DSCAM: variants seen among roughly 807,000 people sequenced by gnomAD.
The protein encoded by DSCAM is cell adhesion molecule DSCAM.
In DSCAM, 47 loss-of-function variants were observed where a neutral mutation model predicts 217.7. That is an observed-to-expected ratio of 0.22 (90% CI 0.17 to 0.28). The LOEUF (loss-of-function observed/expected upper bound fraction) is 0.28. Among genes scored for constraint, DSCAM ranks in the 10% least tolerant of loss-of-function variants. DSCAM has a pLI of 1.00. For synonymous variants in DSCAM, 1,056 were observed against 1,015.3 expected (o/e 1.04, Z -0.76); for missense variants, 2,080 against 2,618.3 (o/e 0.79, Z 4.49).
At chr21:40,035,212 A>C (rs2146456948) in intron 32 of DSCAM, among the ~76,000 whole-genome samples, 1 of 112,974 alleles carries the variant, frequency 8.9e-6, no homozygotes, top group East Asian at 2.2e-4. Context: ...TAAAAGACAC[A>C]GTCTGGCAAA....
intron 3 of DSCAM, among the ~76,000 whole-genome samples, chr21:40,471,051 G>T (rs2075884252): frequency 6.6e-6 from 1 of 151,986 alleles, no homozygotes; most frequent in Non-Finnish European, 1.5e-5. Context: ...TTCTTTACTG[G>T]TATTTTTCTC....
chr21:40,200,771 C>T (rs1453736733), intron 11 of DSCAM, among the ~76,000 whole-genome samples: 2 of 152,180 alleles, frequency 1.3e-5, no homozygotes, highest in African/African-American at 4.8e-5. Flanking sequence ...ACAATGAGAC[C>T]TGCCGCCTCC....
At chr21:40,436,640 G>C (rs1332028657) in intron 3 of DSCAM, among the ~76,000 whole-genome samples, 1 of 152,172 alleles carries the variant, frequency 6.6e-6, no homozygotes, top group African/African-American at 2.4e-5. Context: ...AGTTCTGTGG[G>C]ATATGATGAG....
intron 1 of DSCAM, among the ~76,000 whole-genome samples, chr21:40,713,865 T>C (rs758537447): frequency 1.1e-4 from 16 of 152,128 alleles, no homozygotes; most frequent in Non-Finnish European, 2.1e-4. Flanking sequence ...CTAGATGAGC[T>C]AATAACTAGG....
chr21:40,437,169 A>T (rs1237698860), intron 3 of DSCAM, among the ~76,000 whole-genome samples: 1 of 152,172 alleles, frequency 6.6e-6, no homozygotes, highest in Non-Finnish European at 1.5e-5. Context: ...TTGATGGATG[A>T]CCTACAGGCG....
In DSCAM at chr21:40,573,116, T is replaced by C. The variant is rs571032477; in HGVS notation, c.508+119694A>G. Among the ~76,000 whole-genome samples, 3 of 152,220 alleles carry C rather than the reference T, an allele frequency of 2.0e-5. No homozygotes were observed. In the South Asian group the frequency reaches 6.2e-4, roughly 32 times the overall value. The stretch of plus-strand genomic sequence containing the variant: ...ACTTTGAGAGGCCGAGGCGGGCAGA[T>C]CATGAGGTCAGGAGATCGAGACCAT... On this transcript the variant is annotated intron_variant, in intron 3 of 32. Coordinates refer to ENST00000400454, the MANE Select transcript of DSCAM (RefSeq NM_001389.5).
At chr21:40,031,133 G>A (rs1043943562) in intron 32 of DSCAM, among the ~76,000 whole-genome samples, 6 of 152,084 alleles carry the variant, frequency 3.9e-5, no homozygotes, top group African/African-American at 1.4e-4. Flanking sequence ...GTTTTTCTTG[G>A]GTAGCTTATT....
chr21:40,317,796 G>T (rs1317641401), intron 8 of DSCAM, among the ~76,000 whole-genome samples: 1 of 152,180 alleles, frequency 6.6e-6, no homozygotes, highest in Non-Finnish European at 1.5e-5. Flanking sequence ...GCCTCCCAAA[G>T]TGCTGGGATT....
At chr21:40,556,115 A>G (rs555514498) in intron 3 of DSCAM, among the ~76,000 whole-genome samples, 1 of 152,336 alleles carries the variant, frequency 6.6e-6, no homozygotes, top group Non-Finnish European at 1.5e-5. Context: ...TCCAAACCAA[A>G]TCACTATATA....
At chr21:40,638,935 T>C (rs952819164) in intron 3 of DSCAM, among the ~76,000 whole-genome samples, 1 of 152,196 alleles carries the variant, frequency 6.6e-6, no homozygotes, top group Admixed American at 6.5e-5. Context: ...TTGATAGAAT[T>C]CTCATTTTAG....
At chr21:40,752,564 G>T (rs572979951) in intron 1 of DSCAM, among the ~76,000 whole-genome samples, 3 of 152,302 alleles carry the variant, frequency 2.0e-5, no homozygotes, top group Admixed American at 6.5e-5. Context: ...ACTTGTGTTT[G>T]TAATCCTAGA....
chr21:40,304,782 T>C (rs1260711054), intron 9 of DSCAM, among the ~76,000 whole-genome samples: 2 of 152,158 alleles, frequency 1.3e-5, no homozygotes, highest in Non-Finnish European at 2.9e-5. Flanking sequence ...AAATGGAGAC[T>C]GGGAAATGGT....
rs140141656 is a variant in DSCAM at position 40,623,386 on chromosome 21, A to G, written c.508+69424T>C. Among the ~76,000 whole-genome samples, 286 of 152,340 alleles carry G rather than the reference A, an allele frequency of 1.9e-3. 1 individual carries two copies. The highest frequency in any genetic ancestry group is 6.6e-3 in the African/African-American group (276 of 41,582). Reference sequence around the variant, plus strand: ...TGATGTAGCAAAAATTGTGATGTGTATATGTACAAATGATCCAAACACAGC... The same window carrying G: ...TGATGTAGCAAAAATTGTGATGTGTGTATGTACAAATGATCCAAACACAGC... On this transcript the variant is annotated intron_variant, in intron 3 of 32. Coordinates refer to ENST00000400454, the MANE Select transcript of DSCAM (RefSeq NM_001389.5).
At chr21:40,550,414 A>G in intron 3 of DSCAM, among the ~76,000 whole-genome samples, 1 of 152,014 alleles carries the variant, frequency 6.6e-6, no homozygotes, top group Middle Eastern at 3.2e-3. Context: ...AATCCCAGCT[A>G]CCCAGGAGGC....
intron 3 of DSCAM, among the ~76,000 whole-genome samples, chr21:40,648,647 G>A (rs555580549): frequency 6.6e-5 from 10 of 151,964 alleles, no homozygotes; most frequent in African/African-American, 1.4e-4. Context: ...CTACACTGTC[G>A]TGCCTTTGAG....
intron 3 of DSCAM, among the ~76,000 whole-genome samples, chr21:40,605,014 T>C (rs1425047619): frequency 6.6e-6 from 1 of 152,218 alleles, no homozygotes; most frequent in Non-Finnish European, 1.5e-5. Flanking sequence ...TTATAGAGAA[T>C]GCAATGGGCT....
Position 40,012,939 on chromosome 21 carries a change from C to G in DSCAM, c.*95G>C. 1.0e-5 allele frequency: 9 copies of G among 883,550 alleles called. No individual in the cohort carries two copies. Among genetic ancestry groups the G allele is most frequent in the Non-Finnish European group, 1.4e-5 (9 of 663,714 alleles). The allele number at this position is 883,550 out of a possible 1,614,324, so 54.7% of individuals were successfully genotyped here. On this transcript the variant is annotated 3_prime_UTR_variant, in exon 33 of 33. Coordinates refer to ENST00000400454, the MANE Select transcript of DSCAM (RefSeq NM_001389.5). ...TTTTTTAATATATTTTGGCAATTTT[C>G]TTTAATTATAAATATTGGAATTCCG...
intron 8 of DSCAM, among the ~76,000 whole-genome samples, chr21:40,317,696 A>T (rs1284735830): frequency 2.6e-5 from 4 of 151,602 alleles, no homozygotes; most frequent in Non-Finnish European, 5.9e-5. Context: ...GGCTTGGCTA[A>T]TTTTTTTTGT....
At chr21:40,685,975 A>G (rs1431368883) in intron 3 of DSCAM, among the ~76,000 whole-genome samples, 1 of 151,998 alleles carries the variant, frequency 6.6e-6, no homozygotes, top group African/African-American at 2.4e-5. Flanking sequence ...AGAGATAGAA[A>G]CGCCTTTCCC....
Sources: allele counts gnomAD v4.1 joint callset (sites outside exome capture counted in the v4.1 genomes callset), GRCh38; gene constraint gnomAD v4.1.1; transcripts MANE v1.5; gene names NCBI Gene and HGNC (gene_info 2026-07-23, HGNC 2026-07-21).